The following DOCK2 variants were observed in gnomAD, a reference collection of about 807,000 sequenced individuals.
DOCK2 encodes dedicator of cytokinesis 2, also known as dedicator of cytokinesis protein 2.
DOCK2 carries 87 observed loss-of-function variants against 248.9 expected under a neutral mutation model. The ratio of observed to expected loss-of-function variants is 0.35; its 90% CI spans 0.29 to 0.42. The LOEUF is 0.42. DOCK2 is among the 10% of genes least tolerant of loss of function. The probability of loss-of-function intolerance (pLI) is 1.00; values close to 1 mark genes in which losing one functional copy is unlikely to be tolerated. For synonymous variants in DOCK2, 805 were observed against 821.6 expected, an observed-to-expected ratio of 0.98 and a Z score of 0.35; for missense variants, 1,747 against 2,300.2, an observed-to-expected ratio of 0.76 and a Z score of 4.92.
rs573535466 is a variant in DOCK2, at chr5:169,676,905, C to G, written c.470+2460C>G. 2.0e-5 allele frequency among the ~76,000 whole-genome samples: 3 copies of G among 152,284 alleles called. No individual in the cohort carries two copies. The East Asian group carries it at 5.8e-4, about 29-fold the overall frequency. ...TTTTTAACAACAATCAAAAAGCAAGCAATGAGAACCAGTGATAACTTCTGA... is the reference window on the plus strand; with the variant it reads ...TTTTTAACAACAATCAAAAAGCAAGGAATGAGAACCAGTGATAACTTCTGA... On this transcript the variant is annotated intron_variant, in intron 6 of 51. Transcript: ENST00000520908.
At position 169,656,505 on chromosome 5, in the gene DOCK2, G is replaced by A. The variant is rs144036032; in HGVS notation, c.127+2019G>A. ...CGCCTGTATTTTCAATAGAGACGGG[G>A]TTTCGCCATGTTGGCCAGGCTGGTC... On this transcript the variant is annotated intron_variant, in intron 2 of 51. Transcript: ENST00000520908. Among the ~76,000 whole-genome samples, 18 of 152,222 alleles carry A rather than the reference G, an allele frequency of 1.2e-4. No homozygotes were observed. The East Asian group carries it at 3.3e-3, about 28-fold the overall frequency.
At chr5:169,743,122 C>G (rs80141269) in intron 22 of DOCK2, among the ~76,000 whole-genome samples, 3,707 of 152,336 alleles carry the variant, frequency 0.024, 69 homozygotes, top group Middle Eastern at 0.044. Flanking sequence ...TGAAGAATCG[C>G]AGACAGATGA....
At chr5:169,809,943 G>A (rs937066981) in intron 26 of DOCK2, among the ~76,000 whole-genome samples, 8 of 152,008 alleles carry the variant, frequency 5.3e-5, no homozygotes, top group Non-Finnish European at 1.2e-4. Flanking sequence ...GTCTCTTGTG[G>A]TCCAAGGAGC....
At position 170,069,117 on chromosome 5, in the gene DOCK2, C is replaced by T. The variant is rs2113869213; in HGVS notation, c.4645-20C>T. ...TGCCACATGAACAGGAAACCCTGAC[C>T]TCCTATCTGTCCTCCCCAGGCCTTC... On this transcript the variant is annotated intron_variant, in intron 45 of 51. Coordinates refer to ENST00000520908, the MANE Select transcript of DOCK2 (RefSeq NM_004946.3). 1.9e-6 allele frequency: 3 copies of T among 1,610,760 alleles called. No homozygotes were observed. Among genetic ancestry groups the T allele is most frequent in the Non-Finnish European group, 2.5e-6 (3 of 1,178,084 alleles).
intron 27 of DOCK2, among the ~76,000 whole-genome samples, chr5:169,930,236 T>C (rs259891): frequency 0.53 from 81,158 of 151,988 alleles, 21,820 homozygotes; most frequent in African/African-American, 0.64. Context: ...GTGATCCGCC[T>C]GCCTCGGCCT....
At chr5:169,823,865 GA>G (rs1221595761) in intron 26 of DOCK2, among the ~76,000 whole-genome samples, 2 of 152,266 alleles carry the variant, frequency 1.3e-5, no homozygotes, top group Admixed American at 1.3e-4. Flanking sequence ...TGTATATCTA[GA>G]AAACCCCATT....
chr5:169,698,463 C>G lies in DOCK2; in HGVS notation c.1055+14C>G. On this transcript the variant is annotated intron_variant, in intron 11 of 51. Transcript: ENST00000520908. ...TCCTTTTCACCCGTAAGACATTTCC[C>G]ATTTCTTTCCATTCTCTTCAACCAC... is the stretch of plus-strand genomic sequence containing the variant. 6.2e-7 allele frequency: 1 copy of G among 1,613,316 alleles called. No homozygotes were observed. Among genetic ancestry groups the G allele is most frequent in the Non-Finnish European group, 8.5e-7 (1 of 1,179,350 alleles).
intron 41 of DOCK2, among the ~76,000 whole-genome samples, chr5:170,052,781 C>T (rs1458621202): frequency 2.6e-5 from 4 of 152,052 alleles, no homozygotes; most frequent in African/African-American, 9.7e-5. Flanking sequence ...GTTGTTTTAC[C>T]CTCCAATACT....
chr5:169,834,812 T>G (rs1412940495), intron 26 of DOCK2, among the ~76,000 whole-genome samples: 2 of 152,188 alleles, frequency 1.3e-5, no homozygotes, highest in Non-Finnish European at 2.9e-5. Flanking sequence ...CCCCAAGGAT[T>G]AAAGAGAACT....
chr5:169,968,701 G>A (rs186739027), intron 27 of DOCK2, among the ~76,000 whole-genome samples: 118 of 152,222 alleles, frequency 7.8e-4, no homozygotes, highest in Non-Finnish European at 1.5e-3. Context: ...TTTGACTCCC[G>A]CTAGTTATTA....
chr5:170,061,627 G>C (rs909625371), intron 44 of DOCK2, among the ~76,000 whole-genome samples: 1 of 152,214 alleles, frequency 6.6e-6, no homozygotes, highest in Non-Finnish European at 1.5e-5. Context: ...ACAAATGCCC[G>C]TAGGCGAGAA....
At chr5:169,998,026 T>C (rs1002360536) in intron 30 of DOCK2, 11 of 456,216 alleles carry the variant, frequency 2.4e-5, no homozygotes, top group Non-Finnish European at 4.8e-5. Context: ...AATCCACTTG[T>C]AAGGTCCCAT....
chr5:169,813,400 C>G (rs1767876116), intron 26 of DOCK2, among the ~76,000 whole-genome samples: 1 of 152,122 alleles, frequency 6.6e-6, no homozygotes, highest in African/African-American at 2.4e-5. Flanking sequence ...GCCTTGAAAT[C>G]AACCAGAAAG....
At chr5:169,770,400 ATCC>A (rs1419212786) in intron 25 of DOCK2, among the ~76,000 whole-genome samples, 1 of 151,162 alleles carries the variant, frequency 6.6e-6, no homozygotes, top group Non-Finnish European at 1.5e-5. Flanking sequence ...GACTCAAGCA[ATCC>A]TCCTGCTTCA....
At chr5:169,842,290 G>A (rs937383226) in intron 27 of DOCK2, among the ~76,000 whole-genome samples, 1 of 152,192 alleles carries the variant, frequency 6.6e-6, no homozygotes, top group Non-Finnish European at 1.5e-5. Context: ...AGAGAGCCAT[G>A]TAAACTGGTC....
intron 46 of DOCK2, among the ~76,000 whole-genome samples, chr5:170,072,422 T>C (rs78063456): frequency 5.3e-5 from 8 of 152,264 alleles, no homozygotes; most frequent in African/African-American, 1.9e-4. Context: ...AATATATCAA[T>C]TTATTTATCC....
At chr5:169,735,203 C>T (rs1381781812) in intron 22 of DOCK2, among the ~76,000 whole-genome samples, 1 of 152,180 alleles carries the variant, frequency 6.6e-6, no homozygotes, top group African/African-American at 2.4e-5. Flanking sequence ...AGGATGAAGA[C>T]AAAACCTAAT....
In DOCK2 at chr5:170,019,239, G is replaced by A; in HGVS notation, c.3381+131G>A. ...CGGCAGGATAGGGACATTTATTCAT[G>A]GGTCCGGAATGAGCTGGCAGATCAG... On this transcript the variant is annotated intron_variant, in intron 33 of 51. Transcript: ENST00000520908. 4 of 1,401,430 alleles carry A rather than the reference G, an allele frequency of 2.9e-6. No individual in the cohort carries two copies. In the South Asian group the frequency reaches 5.3e-5, roughly 19 times the overall value. The allele number at this position is 1,401,430 out of a possible 1,614,324, so 86.8% of individuals were successfully genotyped here.
intron 2 of DOCK2, among the ~76,000 whole-genome samples, chr5:169,667,020 G>T (rs559115375): frequency 6.6e-6 from 1 of 152,168 alleles, no homozygotes; most frequent in Non-Finnish European, 1.5e-5. Context: ...CCTATAAGAC[G>T]TACACACATA....
Sources: gnomAD v4.1 joint callset for allele counts (sites outside exome capture counted in the v4.1 genomes callset) on GRCh38, gnomAD v4.1.1 for gene constraint, MANE v1.5 for transcripts, NCBI Gene and HGNC (gene_info 2026-07-23, HGNC 2026-07-21) for gene names.